Variants in CADPS2 observed in about 807,000 individuals in gnomAD.
CADPS2 encodes calcium dependent secretion activator 2.
A neutral mutation model predicts 172.5 loss-of-function variants in CADPS2; 93 were observed. The observed-to-expected ratio is 0.54, with a 90% CI of 0.46 to 0.64. The LOEUF (loss-of-function observed/expected upper bound fraction) is 0.64, where lower values mean the gene tolerates loss of function less well. CADPS2 is among the 30% of genes least tolerant of loss of function. The probability of loss-of-function intolerance (pLI) is 0.00; values close to 1 mark genes in which losing one functional copy is unlikely to be tolerated. For synonymous variants in CADPS2, 546 were observed against 555.2 expected (o/e 0.98, Z 0.23); for missense variants, 1,420 against 1,565.9 (o/e 0.91, Z 1.57).
At chr7:122,685,196 C>A (rs1202964480) in intron 2 of CADPS2, among the ~76,000 whole-genome samples, 2 of 152,126 alleles carry the variant, frequency 1.3e-5, no homozygotes, top group African/African-American at 4.8e-5. Flanking sequence ...CCATCACCAC[C>A]ACTAAAGTGA....
chr7:122,320,799 C>T (rs929285094), intron 29 of CADPS2, among the ~76,000 whole-genome samples: 2 of 151,898 alleles, frequency 1.3e-5, no homozygotes, highest in East Asian at 1.9e-4. Flanking sequence ...ATCCTATTAT[C>T]GGTAAAAGAA....
chr7:122,720,861 T>G (rs1353844733), intron 2 of CADPS2, among the ~76,000 whole-genome samples: 1 of 151,974 alleles, frequency 6.6e-6, no homozygotes, highest in Non-Finnish European at 1.5e-5. Flanking sequence ...GACATAAAGC[T>G]GGGGTGTATT....
At chr7:122,405,541 T>A (rs1360880940) in intron 20 of CADPS2, among the ~76,000 whole-genome samples, 1 of 152,102 alleles carries the variant, frequency 6.6e-6, no homozygotes, top group Non-Finnish European at 1.5e-5. Flanking sequence ...TGCACGCCTG[T>A]AATCCCAGCT....
intron 7 of CADPS2, among the ~76,000 whole-genome samples, chr7:122,561,587 G>A (rs575950687): frequency 3.2e-4 from 49 of 152,108 alleles, no homozygotes; most frequent in Non-Finnish European, 3.5e-4. Flanking sequence ...TAGGCAAGCC[G>A]TTAGTAGTCT....
At chr7:122,544,375 G>T (rs999399644) in intron 8 of CADPS2, among the ~76,000 whole-genome samples, 1 of 152,174 alleles carries the variant, frequency 6.6e-6, no homozygotes, top group Non-Finnish European at 1.5e-5. Flanking sequence ...TGTAAGACAA[G>T]AGTGCACAGT....
At chr7:122,675,355 C>T (rs180703980) in intron 2 of CADPS2, among the ~76,000 whole-genome samples, 123 of 152,284 alleles carry the variant, frequency 8.1e-4, no homozygotes, top group African/African-American at 2.2e-3. Context: ...ACAATGGTCA[C>T]GTACCGGAAA....
intron 28 of CADPS2, among the ~76,000 whole-genome samples, chr7:122,327,830 A>G (rs1362003957): frequency 1.3e-5 from 2 of 152,052 alleles, no homozygotes; most frequent in Non-Finnish European, 2.9e-5. Flanking sequence ...AGAAAAAGAG[A>G]ACTATTATTA....
chr7:122,592,557 A>T (rs1219984696), intron 6 of CADPS2, among the ~76,000 whole-genome samples: 3 of 152,160 alleles, frequency 2.0e-5, no homozygotes, highest in East Asian at 1.9e-4. Flanking sequence ...ATTGTGGCAC[A>T]ATTCACAATA....
chr7:122,523,215 A>G (rs895299894), intron 8 of CADPS2, among the ~76,000 whole-genome samples: 5 of 152,150 alleles, frequency 3.3e-5, no homozygotes, highest in South Asian at 2.1e-4. Context: ...CCCATTCTCC[A>G]TATCTTCTCC....
chr7:122,358,476 A>T (rs1020452432), intron 27 of CADPS2, among the ~76,000 whole-genome samples: 1 of 151,718 alleles, frequency 6.6e-6, no homozygotes, highest in Non-Finnish European at 1.5e-5. Flanking sequence ...CAATTTATCA[A>T]TTTTTTTTCT....
In CADPS2 at chr7:122,414,069, T is replaced by C; in HGVS notation, c.2588A>G (p.Glu863Gly). The change falls in exon 19 of 30, where the codon GAG becomes GGG. Residue 863 changes from glutamate to glycine, a missense_variant and splice_region_variant. Transcript: ENST00000449022. ...QNEEHHAEGREAFAWWPDLLA... is the reference protein window; with the variant it reads ...QNEEHHAEGRGAFAWWPDLLA... ...AATAGTGGAAATCATTTTACTCACC[T>C]CTCTTCCCTGAGGGTTTCCAAGAAT... The C allele has an allele frequency of 6.5e-7, 1 of 1,546,300 alleles. No homozygotes were observed. The highest frequency in any genetic ancestry group is 1.2e-5 in the South Asian group (1 of 82,788).
intron 14 of CADPS2, among the ~76,000 whole-genome samples, chr7:122,468,287 C>G (rs2055429716): frequency 6.6e-6 from 1 of 152,106 alleles, no homozygotes; most frequent in Non-Finnish European, 1.5e-5. Flanking sequence ...AAGACCACGG[C>G]AAACAATGTA....
At chr7:122,612,308 C>A (rs945571550) in intron 6 of CADPS2, among the ~76,000 whole-genome samples, 1 of 151,824 alleles carries the variant, frequency 6.6e-6, no homozygotes, top group Non-Finnish European at 1.5e-5. Context: ...CTACAAAATC[C>A]ACTAAAAATT....
At chr7:122,816,581 T>A (rs994588992) in intron 1 of CADPS2, among the ~76,000 whole-genome samples, 3 of 152,230 alleles carry the variant, frequency 2.0e-5, no homozygotes, top group African/African-American at 7.2e-5. Flanking sequence ...ACAGTAGTTC[T>A]ATTTTTAGTT....
intron 1 of CADPS2, among the ~76,000 whole-genome samples, chr7:122,760,008 A>T (rs2138694561): frequency 6.6e-6 from 1 of 151,988 alleles, no homozygotes. Flanking sequence ...ATATACACAC[A>T]CACACACGGC....
intron 2 of CADPS2, among the ~76,000 whole-genome samples, chr7:122,699,555 T>G (rs1200237429): frequency 6.6e-6 from 1 of 152,212 alleles, no homozygotes; most frequent in Non-Finnish European, 1.5e-5. Context: ...TAATTTTTGA[T>G]TCATCACATA....
chr7:122,739,434 G>A (rs1006550492), intron 1 of CADPS2, among the ~76,000 whole-genome samples: 7 of 152,052 alleles, frequency 4.6e-5, no homozygotes, highest in African/African-American at 9.7e-5. Context: ...TAGTATTTAA[G>A]TTCCGCTATT....
chr7:122,575,474 T>C (rs2067901443), intron 7 of CADPS2, among the ~76,000 whole-genome samples: 1 of 151,826 alleles, frequency 6.6e-6, no homozygotes, highest in Non-Finnish European at 1.5e-5. Context: ...TCTAATTCTG[T>C]CACCCAGGCT....
chr7:122,775,931 A>G (rs770384923), intron 1 of CADPS2, among the ~76,000 whole-genome samples: 9 of 151,792 alleles, frequency 5.9e-5, no homozygotes, highest in South Asian at 2.1e-4. Context: ...CTCTGTTCCT[A>G]TAAGTTGTTT....
Sources: gnomAD v4.1 joint callset for allele counts (sites outside exome capture counted in the v4.1 genomes callset) on GRCh38, gnomAD v4.1.1 for gene constraint, MANE v1.5 for transcripts, NCBI Gene and HGNC (gene_info 2026-07-23, HGNC 2026-07-21) for gene names.